Variants in RANBP2 observed in about 807,000 individuals in gnomAD.
RANBP2 encodes E3 SUMO-protein ligase RanBP2.
Under a neutral mutation model 303.6 loss-of-function variants are expected in RANBP2, and 57 were observed. The observed-to-expected ratio is 0.19, with a 90% CI of 0.15 to 0.23. RANBP2 has a LOEUF of 0.23. Among genes scored for constraint, RANBP2 ranks in the 10% least tolerant of loss-of-function variants. The probability of loss-of-function intolerance (pLI) is 1.00; values close to 1 mark genes in which losing one functional copy is unlikely to be tolerated. For synonymous variants in RANBP2, 1,167 were observed against 1,301.5 expected (o/e 0.90, Z 2.23); for missense variants, 3,138 against 3,780.8 (o/e 0.83, Z 4.46).
the RANBP2 span, among the ~76,000 whole-genome samples, chr2:109,195,621 T>A: frequency 6.6e-6 from 1 of 152,336 alleles, no homozygotes; most frequent in South Asian, 2.1e-4. Context: ...TCTGGAAGGA[T>A]GCCTCTTTCC....
At chr2:109,064,953 C>T in the RANBP2 span, among the ~76,000 whole-genome samples, 2 of 152,112 alleles carry the variant, frequency 1.3e-5, no homozygotes, top group East Asian at 1.9e-4. Context: ...AAAAATTTCA[C>T]GAGATTTTGG....
the RANBP2 span, among the ~76,000 whole-genome samples, chr2:109,695,664 T>G: frequency 6.6e-6 from 1 of 152,214 alleles, no homozygotes. Context: ...ATCAAATCTT[T>G]GCTCAGCTTT....
the RANBP2 span, among the ~76,000 whole-genome samples, chr2:109,407,198 C>G: frequency 6.6e-6 from 1 of 152,186 alleles, no homozygotes; most frequent in Non-Finnish European, 1.5e-5. Context: ...GCCAGCTTCT[C>G]TGTTCTGGAG....
the RANBP2 span, among the ~76,000 whole-genome samples, chr2:108,842,854 G>A: frequency 2.0e-5 from 3 of 152,162 alleles, no homozygotes; most frequent in Admixed American, 6.5e-5. Context: ...ACATTATGTA[G>A]AACTTATTCA....
the RANBP2 span, among the ~76,000 whole-genome samples, chr2:109,597,414 G>A: frequency 2.6e-5 from 4 of 152,218 alleles, no homozygotes; most frequent in Admixed American, 6.5e-5. Flanking sequence ...CTTAGTATGT[G>A]TAAACCACTC....
the RANBP2 span, among the ~76,000 whole-genome samples, chr2:109,625,951 T>C: frequency 1.3e-5 from 2 of 152,190 alleles, no homozygotes; most frequent in Non-Finnish European, 2.9e-5. Context: ...TCTGTGGTGT[T>C]CCCTTTCTTT....
At chr2:109,305,251 G>C in the RANBP2 span, among the ~76,000 whole-genome samples, 1 of 152,088 alleles carries the variant, frequency 6.6e-6, no homozygotes, top group Non-Finnish European at 1.5e-5. Flanking sequence ...TTTCCCCCTG[G>C]GAAGTTCAGT....
At chr2:109,432,463 G>A in the RANBP2 span, 1 of 1,608,926 alleles carries the variant, frequency 6.2e-7, no homozygotes, top group Middle Eastern at 1.7e-4. Flanking sequence ...ATCCCCAGGA[G>A]GGCTCCCACT....
downstream of RANBP2, among the ~76,000 whole-genome samples, chr2:108,790,697 T>A (rs553325688): frequency 6.6e-6 from 1 of 152,266 alleles, no homozygotes; most frequent in South Asian, 2.1e-4. Flanking sequence ...TGAGACTCCG[T>A]CTCAAAAAAT....
At chr2:108,823,519 T>C in the RANBP2 span, among the ~76,000 whole-genome samples, 3 of 152,374 alleles carry the variant, frequency 2.0e-5, no homozygotes, top group South Asian at 2.1e-4. Flanking sequence ...CTAGGTGATA[T>C]AGCCTACTAC....
the RANBP2 span, among the ~76,000 whole-genome samples, chr2:109,726,099 T>TGTGTGTG: frequency 1.4e-4 from 9 of 66,116 alleles, no homozygotes; most frequent in East Asian, 1.4e-3. Flanking sequence ...GTGTGTGTGT[T>TGTGTGTG]TGTGTTTTCC....
the RANBP2 span, among the ~76,000 whole-genome samples, chr2:109,174,597 G>A: frequency 2.6e-5 from 4 of 152,218 alleles, no homozygotes; most frequent in African/African-American, 7.2e-5. Context: ...TATGGTGTTC[G>A]TATCTAGGTG....
the RANBP2 span, among the ~76,000 whole-genome samples, chr2:109,493,335 C>T: frequency 7.1e-6 from 1 of 139,928 alleles, no homozygotes; most frequent in African/African-American, 2.6e-5. Context: ...TACAAACACA[C>T]CCCACATACG....
chr2:109,540,657 A>C, the RANBP2 span, among the ~76,000 whole-genome samples: 1 of 149,354 alleles, frequency 6.7e-6, no homozygotes, highest in African/African-American at 2.5e-5. Context: ...TCTCTACCAA[A>C]AAAGGAAAAA....
the RANBP2 span, among the ~76,000 whole-genome samples, chr2:109,175,428 G>C: frequency 6.6e-6 from 1 of 152,214 alleles, no homozygotes; most frequent in African/African-American, 2.4e-5. Flanking sequence ...CTTTTTGGCA[G>C]TCGTCTGTGT....
the RANBP2 span, among the ~76,000 whole-genome samples, chr2:109,661,875 C>A: frequency 1.3e-5 from 2 of 152,204 alleles, no homozygotes; most frequent in African/African-American, 4.8e-5. Context: ...CACCCAGATG[C>A]CCAGCTACAA....
chr2:109,615,732 C>T, the RANBP2 span: 1 of 1,613,860 alleles, frequency 6.2e-7, no homozygotes, highest in Non-Finnish European at 8.5e-7. Context: ...GCGCTGGAGG[C>T]TTTCAAAGGT....
chr2:109,762,992 A>G, the RANBP2 span, among the ~76,000 whole-genome samples: 58 of 146,510 alleles, frequency 4.0e-4, 6 homozygotes, highest in South Asian at 0.013. Flanking sequence ...GTAAATTTTT[A>G]AGTTTATGGT....
the RANBP2 span, among the ~76,000 whole-genome samples, chr2:109,087,331 C>T: frequency 2.6e-5 from 4 of 152,132 alleles, no homozygotes; most frequent in African/African-American, 7.2e-5. Flanking sequence ...CCTTGTATTG[C>T]CTCACAAAAT....
Sources: allele counts gnomAD v4.1 joint callset (sites outside exome capture counted in the v4.1 genomes callset), GRCh38; gene constraint gnomAD v4.1.1; transcripts MANE v1.5; gene names NCBI Gene and HGNC (gene_info 2026-07-23, HGNC 2026-07-21).